Variants in ZNF8 observed in about 807,000 individuals in gnomAD.
ZNF8 encodes zinc finger protein 272.
ZNF8 carries 9 observed loss-of-function variants against 12.2 expected under a neutral mutation model. That is an observed-to-expected ratio of 0.73 (90% CI 0.44 to 1.28). The LOEUF (loss-of-function observed/expected upper bound fraction) is 1.28. Among genes scored for constraint, ZNF8 ranks in the 50% most tolerant of loss-of-function variants. ZNF8 has a pLI of 0.00. For missense variants in ZNF8, 664 were observed against 729.1 expected (o/e 0.91, Z 1.03); for synonymous variants, 274 against 282.3 (o/e 0.97, Z 0.30).
intron 3 of ZNF8, among the ~76,000 whole-genome samples, chr19:58,291,131 A>T (rs1449295460): frequency 6.6e-6 from 1 of 152,196 alleles, no homozygotes; most frequent in East Asian, 1.9e-4. Flanking sequence ...GGCGATCTCA[A>T]GCCCCTCCTT....
At position 58,296,679 on chromosome 19, in the gene ZNF8, C is replaced by G. The variant is rs536285583; in HGVS notation, c.*1143C>G. 116 of 152,192 alleles carry G rather than the reference C, an allele frequency of 7.6e-4. 1 individual carries two copies. Among genetic ancestry groups the G allele is most frequent in the African/African-American group, 2.6e-3 (108 of 41,486 alleles). 9.4% of individuals were successfully genotyped at this position (152,192 alleles called of 1,614,324 possible). ...GGTTTACAGGCATGAGCCACTATGC[C>G]CAGCTGAGCCAGAGGTTCTTAACTG... On this transcript the variant is annotated 3_prime_UTR_variant, in exon 4 of 4. Coordinates refer to ENST00000621650, the MANE Select transcript of ZNF8 (RefSeq NM_021089.3).
Position 58,288,843 on chromosome 19 carries a change from T to C in ZNF8, c.289+2638T>C, listed in dbSNP as rs117194891. On this transcript the variant is annotated intron_variant, in intron 3 of 3. Coordinates refer to ENST00000621650, the MANE Select transcript of ZNF8 (RefSeq NM_021089.3). ...GGTGAATCTGCTGCAGACCCTGTTT[T>C]CCTGCCCCTTTCATCGGTTGTCACT... is the stretch of plus-strand genomic sequence containing the variant. 1.6e-4 allele frequency among the ~76,000 whole-genome samples: 25 copies of C among 152,332 alleles called. No homozygotes were observed. In the East Asian group the frequency reaches 4.0e-3, roughly 25 times the overall value.
chr19:58,301,692 T>G lies in ZNF8; in HGVS notation c.*6156T>G, dbSNP rs1389710653. The stretch of plus-strand genomic sequence containing the variant: ...TTCTCTGAGGGGGCATGGGGTTGGC[T>G]GAGGTTATAGCAGCCCCACAGGGTG... On this transcript the variant is annotated 3_prime_UTR_variant, in exon 4 of 4. Transcript: ENST00000621650. 1 of 152,270 alleles carries G rather than the reference T, an allele frequency of 6.6e-6. No homozygotes were observed. Among genetic ancestry groups the G allele is most frequent in the East Asian group, 1.9e-4 (1 of 5,204 alleles). The allele number at this position is 152,270 out of a possible 1,614,324, so 9.4% of individuals were successfully genotyped here. A position where few individuals can be genotyped will look rare whatever the true frequency, so the allele number is the denominator to read the frequency against.
intron 1 of ZNF8, 120 bp downstream of exon 1, chr19:58,279,267 G>C (rs1218691345): frequency 6.6e-7 from 1 of 1,523,996 alleles, no homozygotes; most frequent in Non-Finnish European, 8.8e-7. Context: ...TTGACACGTG[G>C]GGAAACTCAG....
intron 1 of ZNF8, chr19:58,279,629 G>A (rs1387913710): frequency 6.5e-7 from 1 of 1,534,240 alleles, no homozygotes; most frequent in Admixed American, 2.0e-5. Context: ...TGGGGCTTGG[G>A]CACAACCTCT....
intron 3 of ZNF8, among the ~76,000 whole-genome samples, chr19:58,292,751 C>T (rs1250751932): frequency 2.6e-5 from 4 of 152,174 alleles, no homozygotes; most frequent in African/African-American, 9.7e-5. Context: ...TATGTCAGTA[C>T]TTTGTTCTTT....
chr19:58,280,847 T>C (rs260497), intron 1 of ZNF8, among the ~76,000 whole-genome samples: 99,162 of 152,024 alleles, frequency 0.65, 32,509 homozygotes, highest in Middle Eastern at 0.72. Flanking sequence ...GCCCTTTGCC[T>C]GTCTTCAAAG....
Position 58,297,039 on chromosome 19 carries a change from C to T in ZNF8, c.*1503C>T, listed in dbSNP as rs1248000158. 1 of 152,030 alleles carries T rather than the reference C, an allele frequency of 6.6e-6. No homozygotes were observed. Among genetic ancestry groups the T allele is most frequent in the African/African-American group, 2.4e-5 (1 of 41,404 alleles). The allele number at this position is 152,030 out of a possible 1,614,324, so 9.4% of individuals were successfully genotyped here. A position where few individuals can be genotyped will look rare whatever the true frequency, so the allele number is the denominator to read the frequency against. On this transcript the variant is annotated 3_prime_UTR_variant, in exon 4 of 4. Coordinates refer to ENST00000621650, the MANE Select transcript of ZNF8 (RefSeq NM_021089.3). ...TTGAGGTCAGGAGTTTGAGACTAGC[C>T]TGGGCCCATGGCGAAACCCCATCTC... is the stretch of plus-strand genomic sequence containing the variant.
At chr19:58,282,061 C>T (rs1287767993) in intron 1 of ZNF8, among the ~76,000 whole-genome samples, 5 of 152,202 alleles carry the variant, frequency 3.3e-5, no homozygotes, top group South Asian at 2.1e-4. Flanking sequence ...CGCAGTGAAC[C>T]GAGATTGCAC....
chr19:58,297,074 T>C lies in ZNF8; in HGVS notation c.*1538T>C, dbSNP rs1446315550. The C allele has an allele frequency of 6.6e-6, 1 of 151,980 alleles. No homozygotes were observed. Among genetic ancestry groups the C allele is most frequent in the African/African-American group, 2.4e-5 (1 of 41,384 alleles). The allele number at this position is 151,980 out of a possible 1,614,324, so 9.4% of individuals were successfully genotyped here. A position where few individuals can be genotyped will look rare whatever the true frequency, so the allele number is the denominator to read the frequency against. ...GGCGAAACCCCATCTCTACTAAAAATACACAAATTAGCCAAGTGTGGTGAC... is the reference window on the plus strand; with the variant it reads ...GGCGAAACCCCATCTCTACTAAAAACACACAAATTAGCCAAGTGTGGTGAC... On this transcript the variant is annotated 3_prime_UTR_variant, in exon 4 of 4. Coordinates refer to ENST00000621650, the MANE Select transcript of ZNF8 (RefSeq NM_021089.3).
At chr19:58,282,470 A>C (rs575499976) in intron 1 of ZNF8, among the ~76,000 whole-genome samples, 9 of 152,200 alleles carry the variant, frequency 5.9e-5, no homozygotes, top group Non-Finnish European at 1.3e-4. Context: ...TTTGAACTAC[A>C]AAAGTTTTTG....
At chr19:58,279,666 C>G in intron 1 of ZNF8, 1 of 1,533,250 alleles carries the variant, frequency 6.5e-7, no homozygotes, top group Middle Eastern at 1.7e-4. Flanking sequence ...TCACCACGCA[C>G]TGAGTGTGAT....
At chr19:58,284,615 G>A (rs2051371467) in intron 1 of ZNF8, among the ~76,000 whole-genome samples, 1 of 152,190 alleles carries the variant, frequency 6.6e-6, no homozygotes, top group Non-Finnish European at 1.5e-5. Context: ...TTGGGAGGCC[G>A]AGGCGGGTGG....
intron 3 of ZNF8, 140 bp downstream of exon 3, chr19:58,286,345 A>G: frequency 1.5e-6 from 1 of 654,534 alleles, no homozygotes. Flanking sequence ...GCATAGAGTC[A>G]TGCTGACAGC....
At chr19:58,292,640 G>C (rs1460603798) in intron 3 of ZNF8, among the ~76,000 whole-genome samples, 1 of 152,146 alleles carries the variant, frequency 6.6e-6, no homozygotes, top group Admixed American at 6.5e-5. Flanking sequence ...GGATTTGCCT[G>C]TTCTAGATAT....
At chr19:58,283,931 AAG>A (rs1213942095) in intron 1 of ZNF8, among the ~76,000 whole-genome samples, 4 of 152,072 alleles carry the variant, frequency 2.6e-5, no homozygotes, top group African/African-American at 7.2e-5. Flanking sequence ...AAGTTATTGA[AAG>A]AGAGAGAGAG....
At chr19:58,284,108 T>C (rs112884174) in intron 1 of ZNF8, among the ~76,000 whole-genome samples, 41,384 of 151,750 alleles carry the variant, frequency 0.27, 6,188 homozygotes, top group African/African-American at 0.4. Flanking sequence ...CCTGTAGTCC[T>C]AGCTACTCAG....
rs560006174 is a variant in ZNF8 at position 58,299,229 on chromosome 19, C to T, written c.*3693C>T. The stretch of plus-strand genomic sequence containing the variant: ...CCAGGTTCATGCCATTCTCCTGCCT[C>T]AGCCTCCCGAGTAGCTGGGACTACA... On this transcript the variant is annotated 3_prime_UTR_variant, in exon 4 of 4. Coordinates refer to ENST00000621650, the MANE Select transcript of ZNF8 (RefSeq NM_021089.3). 1 of 151,844 alleles carries T rather than the reference C, an allele frequency of 6.6e-6. No homozygotes were observed. Among genetic ancestry groups the T allele is most frequent in the South Asian group, 2.1e-4 (1 of 4,812 alleles). The allele number at this position is 151,844 out of a possible 1,614,324, so 9.4% of individuals were successfully genotyped here.
At chr19:58,284,816 T>A (rs1219962299) in intron 1 of ZNF8, among the ~76,000 whole-genome samples, 2 of 152,112 alleles carry the variant, frequency 1.3e-5, no homozygotes, top group Non-Finnish European at 2.9e-5. Context: ...ACCACTGCAC[T>A]CCAGCCTGGG....
Sources: allele counts gnomAD v4.1 joint callset (sites outside exome capture counted in the v4.1 genomes callset), GRCh38; gene constraint gnomAD v4.1.1; transcripts MANE v1.5; gene names NCBI Gene and HGNC (gene_info 2026-07-23, HGNC 2026-07-21).